The following AP3D1 variants were observed in gnomAD, a reference collection of about 807,000 sequenced individuals.
AP3D1 encodes the protein adaptor related protein complex 3 subunit delta 1, also known as AP-3 complex subunit delta-1.
In AP3D1, 51 loss-of-function variants were observed where a neutral mutation model predicts 147.6. The ratio of observed to expected loss-of-function variants is 0.35; its 90% confidence interval spans 0.28 to 0.44. AP3D1 has a LOEUF of 0.44. Ranked by LOEUF, AP3D1 falls within the 20% of genes least tolerant of loss-of-function variation. AP3D1 has a pLI of 1.00. For missense variants in AP3D1, 1,421 were observed against 1,624.2 expected (o/e 0.87, Z 2.15); for synonymous variants, 760 against 663.0 (o/e 1.15, Z -2.25).
At chr19:2,107,345 A>C (rs1599437499) in intron 31 of AP3D1, among the ~76,000 whole-genome samples, 2 of 152,284 alleles carry the variant, frequency 1.3e-5, no homozygotes, top group East Asian at 1.9e-4. Context: ...AGCCAGAAGA[A>C]GGCAGAGAAG....
intron 1 of AP3D1, among the ~76,000 whole-genome samples, chr19:2,145,627 T>C (rs1331833673): frequency 6.6e-6 from 1 of 152,156 alleles, no homozygotes; most frequent in African/African-American, 2.4e-5. Flanking sequence ...TCGCCGCTCC[T>C]GCCCTCTGGT....
intron 1 of AP3D1, among the ~76,000 whole-genome samples, chr19:2,143,280 G>C (rs1455324866): frequency 3.4e-5 from 4 of 117,966 alleles, no homozygotes; most frequent in Non-Finnish European, 1.6e-5. Flanking sequence ...CTGCTCTGTC[G>C]CCCAGGCTGG....
chr19:2,113,932 CT>C (rs2018359632), intron 22 of AP3D1, among the ~76,000 whole-genome samples, 192 bp downstream of exon 22: 1 of 152,148 alleles, frequency 6.6e-6, no homozygotes, highest in African/African-American at 2.4e-5. Flanking sequence ...TCAGTCTCCC[CT>C]GACACAAGTG....
chr19:2,126,508 G>A (rs1254028477), intron 9 of AP3D1, among the ~76,000 whole-genome samples: 1 of 152,000 alleles, frequency 6.6e-6, no homozygotes, highest in Non-Finnish European at 1.5e-5. Flanking sequence ...ACAAAAATTA[G>A]CCAGGCGTGG....
chr19:2,138,637 C>T lies in AP3D1; in HGVS notation c.174G>A (p.Ala58=), dbSNP rs1043664528. ...CACTTACATACGTCAGCTTGCAGAC[C>T]GCGTTCGCCTTCACCGCTATGTTGT... ...KQDNIAVKAN[A]VCKLTYLQML... Residue 58 remains alanine (A), a synonymous_variant, in exon 2 of 32, where the codon GCG becomes GCA. Coordinates refer to ENST00000643116, the MANE Select transcript of AP3D1 (RefSeq NM_001261826.3). The T allele has an allele frequency of 6.2e-6, 10 of 1,613,764 alleles. No homozygotes were observed. The highest frequency in any genetic ancestry group is 2.2e-5 in the South Asian group (2 of 91,090).
At position 2,138,849 on chromosome 19, in the gene AP3D1, C is replaced by T. The variant is rs12980238; in HGVS notation, c.97-135G>A. 0.35 allele frequency: 212,593 copies of T among 605,176 alleles called. 40,650 individuals carry two copies. The highest frequency in any genetic ancestry group is 0.42 in the Non-Finnish European group (138,504 of 329,298). The allele number at this position is 605,176 out of a possible 1,614,324, so 37.5% of individuals were successfully genotyped here. ...GGCCGAGGCAGGCAGATCACGAGGT[C>T]GGGAGTTTGAGATCATCCTGGCCAA... On this transcript the variant is annotated intron_variant, in intron 1 of 31. Coordinates refer to ENST00000643116, the MANE Select transcript of AP3D1 (RefSeq NM_001261826.3).
exon 1 of AP3D1, chr19:2,164,405 C>CT (rs1460432887): frequency 1.9e-6 from 1 of 514,376 alleles, no homozygotes; most frequent in African/African-American, 2.0e-5. Context: ...CGCTGCTCCA[C>CT]CCCCGTTGCT....
intron 31 of AP3D1, among the ~76,000 whole-genome samples, 171 bp from the exon 32 acceptor site, chr19:2,102,439 C>G (rs938609093): frequency 6.6e-6 from 1 of 151,964 alleles, no homozygotes; most frequent in Non-Finnish European, 1.5e-5. Flanking sequence ...ACTAAAAATA[C>G]AAAAAATGGC....
chr19:2,110,965 T>C, intron 26 of AP3D1, 69 bp from the exon 27 acceptor site: 2 of 1,520,858 alleles, frequency 1.3e-6, no homozygotes, highest in East Asian at 2.3e-5. Context: ...GCCACCTGTC[T>C]CTTAATGACC....
chr19:2,140,335 A>G (rs576198688), intron 1 of AP3D1, among the ~76,000 whole-genome samples: 43 of 152,252 alleles, frequency 2.8e-4, no homozygotes, highest in Admixed American at 2.2e-3. Context: ...GAGGGGATGG[A>G]AAACAGGTGT....
Position 2,158,156 on chromosome 19 carries a change from C to T in AP3D1, c.-103+6200G>A, listed in dbSNP as rs371651185. 4.6e-5 allele frequency among the ~76,000 whole-genome samples: 7 copies of T among 151,984 alleles called. No homozygotes were observed. The East Asian group carries it at 5.8e-4, about 13-fold the overall frequency. On this transcript the variant is annotated intron_variant, in intron 1 of 14. Transcript: ENST00000643010. The stretch of plus-strand genomic sequence containing the variant: ...CTGCAAGCTCCACCTCCTGGGTTCA[C>T]GCCATTCTCCTGCCTCAGCCTTTCC...
rs997862902 is a variant in AP3D1, at chr19:2,114,309, G to T, written c.2424-7C>A. The T allele has an allele frequency of 6.2e-7, 1 of 1,609,164 alleles. No homozygotes were observed. Among genetic ancestry groups the T allele is most frequent in the Non-Finnish European group, 8.5e-7 (1 of 1,177,942 alleles). ...CTCGCTGTCGGCTAAGGGCCTGGAG[G>T]AGGAATGACCGGGCCACACATCAGC... On this transcript the variant is annotated splice_region_variant and splice_polypyrimidine_tract_variant and intron_variant, in intron 21 of 31. Coordinates refer to ENST00000643116, the MANE Select transcript of AP3D1 (RefSeq NM_001261826.3).
chr19:2,126,586 G>A (rs143282267), intron 9 of AP3D1, among the ~76,000 whole-genome samples: 18,580 of 150,414 alleles, frequency 0.12, 1,267 homozygotes, highest in Non-Finnish European at 0.16. Flanking sequence ...CCTGGGAGGC[G>A]GAGGTTGCAG....
chr19:2,131,539 CGGT>C (rs1484712544), intron 5 of AP3D1, among the ~76,000 whole-genome samples: 2 of 76,448 alleles, frequency 2.6e-5, no homozygotes, highest in East Asian at 8.9e-4. Flanking sequence ...TCTAGGCACC[CGGT>C]GGACAGGCAG....
At chr19:2,138,456 A>G (rs142715248) in intron 2 of AP3D1, among the ~76,000 whole-genome samples, 163 bp downstream of exon 2, 3 of 152,314 alleles carry the variant, frequency 2.0e-5, no homozygotes, top group African/African-American at 7.2e-5. Flanking sequence ...TGTGACCAAC[A>G]TGGCTTTCTG....
At chr19:2,114,344 C>G in intron 21 of AP3D1, 42 bp from the exon 22 acceptor site, 1 of 1,550,300 alleles carries the variant, frequency 6.5e-7, no homozygotes, top group Non-Finnish European at 8.9e-7. Flanking sequence ...CACCACTGGC[C>G]ACCCCCCAGG....
chr19:2,114,349 C>A, intron 21 of AP3D1, 47 bp from the exon 22 acceptor site: 3 of 1,498,820 alleles, frequency 2.0e-6, no homozygotes, highest in Non-Finnish European at 2.8e-6. Context: ...CTGGCCACCC[C>A]CCAGGACCAC....
chr19:2,141,005 C>T (rs1599488556), intron 1 of AP3D1, among the ~76,000 whole-genome samples: 1 of 152,018 alleles, frequency 6.6e-6, no homozygotes, highest in East Asian at 1.9e-4. Context: ...GTGATCTGCT[C>T]GCCTCAGCCT....
chr19:2,119,546 A>T (rs1254991710), intron 14 of AP3D1, among the ~76,000 whole-genome samples: 1 of 152,074 alleles, frequency 6.6e-6, no homozygotes, highest in Non-Finnish European at 1.5e-5. Context: ...TGCAAAAAAA[A>T]TTAGCAGGGC....
Sources: gnomAD v4.1 joint callset for allele counts (sites outside exome capture counted in the v4.1 genomes callset) on GRCh38, gnomAD v4.1.1 for gene constraint, MANE v1.5 for transcripts, NCBI Gene and HGNC (gene_info 2026-07-23, HGNC 2026-07-21) for gene names.